Variants in AFF1 observed in about 807,000 individuals in gnomAD.
AFF1 encodes ALF transcription elongation factor 1, also known as AF4/FMR2 family member 1.
Under a neutral mutation model 121.7 loss-of-function variants are expected in AFF1, and 48 were observed. The observed-to-expected ratio is 0.39, with a 90% confidence interval of 0.31 to 0.50. The LOEUF is 0.50. Ranked by LOEUF, AFF1 falls within the 20% of genes least tolerant of loss-of-function variation. AFF1 has a pLI of 0.76. For missense variants in AFF1, 1,523 were observed against 1,511.7 expected, an observed-to-expected ratio of 1.01 and a Z score of -0.12; for synonymous variants, 613 against 563.0, an observed-to-expected ratio of 1.09 and a Z score of -1.26.
intron 2 of AFF1, among the ~76,000 whole-genome samples, chr4:86,965,651 A>G (rs1350609201): frequency 2.6e-5 from 4 of 152,192 alleles, no homozygotes; most frequent in African/African-American, 4.8e-5. Flanking sequence ...GCTAATGGGC[A>G]TTTTTGACTC....
At chr4:87,109,431 G>A (rs1306911347) in intron 11 of AFF1, among the ~76,000 whole-genome samples, 2 of 152,216 alleles carry the variant, frequency 1.3e-5, no homozygotes, top group African/African-American at 2.4e-5. Flanking sequence ...ACATGCATCA[G>A]TATTAACTGC....
chr4:87,045,453 G>T (rs1384584135), intron 2 of AFF1, among the ~76,000 whole-genome samples: 6 of 151,998 alleles, frequency 3.9e-5, no homozygotes, highest in Non-Finnish European at 5.9e-5. Flanking sequence ...GGTGAATGCC[G>T]TTTAACCCCT....
At chr4:87,125,629 T>C (rs1443780597) in intron 13 of AFF1, among the ~76,000 whole-genome samples, 4 of 152,116 alleles carry the variant, frequency 2.6e-5, no homozygotes, top group Non-Finnish European at 5.9e-5. Context: ...AGGTGAGAAG[T>C]GGTAGTGCCA....
At chr4:87,125,933 GA>G (rs1174846721) in intron 13 of AFF1, among the ~76,000 whole-genome samples, 165 bp from the exon 14 acceptor site, 5 of 152,180 alleles carry the variant, frequency 3.3e-5, no homozygotes, top group African/African-American at 7.2e-5. Context: ...GGTAGGGCTA[GA>G]TTTTTGAAAT....
At chr4:87,035,177 C>T (rs906561559) in intron 2 of AFF1, among the ~76,000 whole-genome samples, 1 of 152,102 alleles carries the variant, frequency 6.6e-6, no homozygotes, top group African/African-American at 2.4e-5. Context: ...CCTCCCTGCT[C>T]CTTGTGCTTG....
chr4:87,066,520 G>C (rs1249953491), intron 4 of AFF1, among the ~76,000 whole-genome samples: 2 of 152,206 alleles, frequency 1.3e-5, no homozygotes, highest in African/African-American at 2.4e-5. Flanking sequence ...TCAAGAGCTT[G>C]AGGTTACAGT....
chr4:87,013,100 A>G (rs1182892914), intron 2 of AFF1, among the ~76,000 whole-genome samples: 3 of 135,738 alleles, frequency 2.2e-5, no homozygotes, highest in Non-Finnish European at 3.0e-5. Context: ...CTGGAGTGCA[A>G]TGGTGCGATC....
intron 2 of AFF1, among the ~76,000 whole-genome samples, chr4:86,977,976 G>A (rs144808496): frequency 1.2e-3 from 185 of 152,168 alleles, no homozygotes; most frequent in Non-Finnish European, 1.3e-3. Flanking sequence ...TCTGCCCTGG[G>A]TTGTGTTGAC....
rs551202556 is a variant in AFF1 at position 87,140,750 on chromosome 4, C to G, written c.*5049C>G. On this transcript the variant is annotated 3_prime_UTR_variant, in exon 21 of 21. Transcript: ENST00000395146. ...TTAAGGGGAACTCCATGTATTTTAC[C>G]TACTTCAGCAATGGAACTGCAACTT... 5.3e-6 allele frequency: 1 copy of G among 190,320 alleles called. No homozygotes were observed. Among genetic ancestry groups the G allele is most frequent in the Admixed American group, 6.2e-5 (1 of 16,220 alleles). 11.8% of individuals were successfully genotyped at this position (190,320 alleles called of 1,614,324 possible).
At chr4:87,094,872 A>G (rs1470969669) in intron 7 of AFF1, 43 bp from the exon 8 acceptor site, 1 of 1,591,640 alleles carries the variant, frequency 6.3e-7, no homozygotes, top group Non-Finnish European at 8.6e-7. Flanking sequence ...GGATCTTGTA[A>G]ATATGTGTCA....
intron 4 of AFF1, among the ~76,000 whole-genome samples, chr4:87,060,855 A>AAACAAAC (rs1720699335): frequency 2.4e-5 from 1 of 42,324 alleles, no homozygotes. Context: ...AAAAAAAAAA[A>AAACAAAC]AAAAAAAAAA....
chr4:86,956,040 CT>C (rs1337538571), intron 2 of AFF1, among the ~76,000 whole-genome samples: 7 of 152,194 alleles, frequency 4.6e-5, no homozygotes, highest in Non-Finnish European at 1.0e-4. Context: ...AGTTTAATGG[CT>C]GTAGGCCATG....
At chr4:87,068,073 A>G (rs1347754705) in intron 4 of AFF1, among the ~76,000 whole-genome samples, 1 of 45,720 alleles carries the variant, frequency 2.2e-5, no homozygotes, top group Non-Finnish European at 4.1e-5. Context: ...CTGTTATGGG[A>G]TAAATAACGA....
At chr4:87,123,787 C>T (rs141633391) in intron 12 of AFF1, among the ~76,000 whole-genome samples, 30 of 152,192 alleles carry the variant, frequency 2.0e-4, no homozygotes, top group African/African-American at 7.0e-4. Context: ...TTCTTAAACT[C>T]GGGAGGAGAG....
intron 2 of AFF1, among the ~76,000 whole-genome samples, chr4:86,993,095 A>G (rs1724855475): frequency 6.6e-6 from 1 of 152,218 alleles, no homozygotes; most frequent in Non-Finnish European, 1.5e-5. Context: ...GTCCACAGCC[A>G]AGAAGCCTCA....
intron 1 of AFF1, among the ~76,000 whole-genome samples, chr4:86,938,664 A>G (rs1038102423): frequency 1.3e-5 from 2 of 152,234 alleles, no homozygotes; most frequent in African/African-American, 4.8e-5. Flanking sequence ...AGATTACATA[A>G]ACTCTGTAAT....
At chr4:86,975,017 A>G (rs1723204940) in intron 2 of AFF1, among the ~76,000 whole-genome samples, 1 of 152,156 alleles carries the variant, frequency 6.6e-6, no homozygotes, top group Non-Finnish European at 1.5e-5. Context: ...CTAATAGATC[A>G]TTATGCTCCC....
In AFF1 at chr4:86,980,947, A is replaced by ACCCCCCC. The variant is rs57473395; in HGVS notation, c.38+32379_38+32385dup. On this transcript the variant is annotated intron_variant, in intron 2 of 20. Coordinates refer to ENST00000395146, the MANE Select transcript of AFF1 (RefSeq NM_001166693.3). The stretch of plus-strand genomic sequence containing the variant: ...CCCAGCACTTTGCGAGGCTTGAGGC[A>ACCCCCCC]CCCCCCCCCTCCACCAAAAAAAAGG... 2.9e-4 allele frequency among the ~76,000 whole-genome samples: 30 copies of ACCCCCCC among 102,414 alleles called. 2 individuals are homozygous for ACCCCCCC. The highest frequency in any genetic ancestry group is 5.8e-4 in the Admixed American group (5 of 8,690). The allele number at this position is 102,414 out of a possible 152,430, so 67.2% of individuals were successfully genotyped here.
At chr4:86,960,020 A>T (rs565169250) in intron 2 of AFF1, among the ~76,000 whole-genome samples, 2 of 152,136 alleles carry the variant, frequency 1.3e-5, no homozygotes, top group African/African-American at 2.4e-5. Flanking sequence ...CTCTTTTCAC[A>T]TCAAAGTGTA....
Sources: allele counts gnomAD v4.1 joint callset (sites outside exome capture counted in the v4.1 genomes callset), GRCh38; gene constraint gnomAD v4.1.1; transcripts MANE v1.5; gene names NCBI Gene and HGNC (gene_info 2026-07-23, HGNC 2026-07-21).